FSHR: variants seen among roughly 807,000 people sequenced by gnomAD.
FSHR encodes follicle-stimulating hormone receptor.
Under a neutral mutation model 52.1 loss-of-function variants are expected in FSHR, and 46 were observed. The observed-to-expected ratio is 0.88, with a 90% CI of 0.70 to 1.13. FSHR has a LOEUF of 1.13. Ranked by LOEUF, FSHR falls within the 50% of genes most tolerant of loss-of-function variation. The probability of loss-of-function intolerance (pLI) is 0.00; values close to 1 mark genes in which losing one functional copy is unlikely to be tolerated. For synonymous variants in FSHR, 399 were observed against 309.6 expected, an observed-to-expected ratio of 1.29 and a Z score of -3.03; for missense variants, 964 against 834.6, an observed-to-expected ratio of 1.16 and a Z score of -1.91.
At chr2:49,081,069 T>C (rs1259097294) in intron 1 of FSHR, among the ~76,000 whole-genome samples, 1 of 152,168 alleles carries the variant, frequency 6.6e-6, no homozygotes, top group East Asian at 1.9e-4. Context: ...CTCTGCCTTC[T>C]GATTGACCCT....
intron 2 of FSHR, among the ~76,000 whole-genome samples, chr2:49,044,328 T>C (rs542811669): frequency 2.0e-5 from 3 of 152,318 alleles, no homozygotes; most frequent in African/African-American, 7.2e-5. Context: ...CCAGGAACCC[T>C]CTCGCCTTCC....
At chr2:49,142,885 A>G (rs1025865587) in intron 1 of FSHR, among the ~76,000 whole-genome samples, 1 of 152,148 alleles carries the variant, frequency 6.6e-6, no homozygotes, top group African/African-American at 2.4e-5. Flanking sequence ...GTGCGTTTAT[A>G]CAGATGATGA....
At chr2:48,968,968 A>G in intron 8 of FSHR, 85 bp from the exon 9 acceptor site, 2 of 1,183,836 alleles carry the variant, frequency 1.7e-6, no homozygotes, top group South Asian at 1.3e-5. Context: ...TAGCAGACAC[A>G]CTAGTGATAT....
At position 48,963,257 on chromosome 2, in the gene FSHR, T is replaced by C. The variant is rs1387910643; in HGVS notation, c.1564A>G (p.Ile522Val). Residue 522 changes from isoleucine to valine, a missense_variant, in exon 10 of 10, where the codon ATT becomes GTT. By Grantham distance (29) the Ile-to-Val change is conservative. Transcript: ENST00000406846. ...MKVSICLPMD[I>V]DSPLSQLYVM... ...TACAGCTGTGACAAAGGGCTGTCAATATCCATGGGCAGGCAGATGCTCACC... is the reference window on the plus strand; with the variant it reads ...TACAGCTGTGACAAAGGGCTGTCAACATCCATGGGCAGGCAGATGCTCACC... 1.9e-6 allele frequency: 3 copies of C among 1,614,016 alleles called. No homozygotes were observed. Among genetic ancestry groups the C allele is most frequent in the Admixed American group, 3.3e-5 (2 of 59,992 alleles).
chr2:48,991,657 G>C (rs1675785857), intron 4 of FSHR, among the ~76,000 whole-genome samples: 1 of 152,238 alleles, frequency 6.6e-6, no homozygotes, highest in Non-Finnish European at 1.5e-5. Context: ...TTGCACTTGA[G>C]TGAAGCTGGA....
chr2:49,089,563 C>G (rs1670524367), intron 1 of FSHR, among the ~76,000 whole-genome samples: 2 of 152,130 alleles, frequency 1.3e-5, no homozygotes, highest in Admixed American at 6.5e-5. Flanking sequence ...ATGCTCATCT[C>G]CAGAGTAACC....
chr2:49,117,998 C>G (rs560990183), intron 1 of FSHR, among the ~76,000 whole-genome samples: 2 of 152,320 alleles, frequency 1.3e-5, no homozygotes, highest in South Asian at 4.1e-4. Context: ...GAGCCCTGAA[C>G]TACAAACTGG....
intron 4 of FSHR, among the ~76,000 whole-genome samples, chr2:48,996,121 G>C (rs1397826876): frequency 6.6e-6 from 1 of 152,050 alleles, no homozygotes; most frequent in Non-Finnish European, 1.5e-5. Context: ...CCTACTAATT[G>C]GTTTCCTATG....
At chr2:49,114,434 C>T (rs2103761860) in intron 1 of FSHR, among the ~76,000 whole-genome samples, 1 of 152,188 alleles carries the variant, frequency 6.6e-6, no homozygotes, top group African/African-American at 2.4e-5. Context: ...ACAGTCTTGG[C>T]CATTGTGGAA....
At chr2:49,081,086 T>C (rs1670151814) in intron 1 of FSHR, among the ~76,000 whole-genome samples, 1 of 152,144 alleles carries the variant, frequency 6.6e-6, no homozygotes, top group Admixed American at 6.5e-5. Flanking sequence ...CCCTACTGTT[T>C]CTTTGTGTTC....
At position 49,088,586 on chromosome 2, in the gene FSHR, A is replaced by T. The variant is rs549604738; in HGVS notation, c.153-20296T>A. 4.6e-4 allele frequency among the ~76,000 whole-genome samples: 70 copies of T among 152,338 alleles called. No individual in the cohort carries two copies. The South Asian group carries it at 0.013, about 28-fold the overall frequency. On this transcript the variant is annotated intron_variant, in intron 1 of 9. Coordinates refer to ENST00000406846, the MANE Select transcript of FSHR (RefSeq NM_000145.4). The stretch of plus-strand genomic sequence containing the variant: ...TAGTTTCAGGCAGAATGACAAACGC[A>T]TTGTGCCTCTAAAGCAGTTCTTTAG...
intron 2 of FSHR, among the ~76,000 whole-genome samples, chr2:49,064,738 G>C (rs1197785892): frequency 6.6e-6 from 1 of 152,124 alleles, no homozygotes; most frequent in East Asian, 1.9e-4. Context: ...TTTCTACATT[G>C]TGATCTTGGC....
At chr2:49,091,453 G>C (rs189100964) in intron 1 of FSHR, among the ~76,000 whole-genome samples, 13 of 152,130 alleles carry the variant, frequency 8.5e-5, no homozygotes, top group Admixed American at 6.5e-4. Context: ...ACAGGTGTGT[G>C]TCACCATGCC....
rs1674336109 is a variant in FSHR, at chr2:48,963,647, A to G, written c.1174T>C (p.Tyr392His). ...IVLVILTTSQYKLTVPRFLMC... is the reference protein window; with the variant it reads ...IVLVILTTSQHKLTVPRFLMC... ...AGGAACCTGGGGACTGTGAGTTTAT[A>G]TTGGCTGGTAGTTAGGATCACTAGC... Residue 392 changes from tyrosine (Y) to histidine (H), a missense_variant, in exon 10 of 10, where the codon TAT (tyrosine) becomes CAT (histidine). Transcript: ENST00000406846. The G allele has an allele frequency of 6.2e-7, 1 of 1,614,110 alleles. No individual in the cohort carries two copies.
chr2:48,983,982 C>G (rs1276400971), intron 6 of FSHR, among the ~76,000 whole-genome samples: 1 of 152,104 alleles, frequency 6.6e-6, no homozygotes, highest in African/African-American at 2.4e-5. Context: ...AAAACAGATA[C>G]CAAGGTCAGG....
At chr2:49,131,844 A>G (rs190695725) in intron 1 of FSHR, among the ~76,000 whole-genome samples, 83 of 152,246 alleles carry the variant, frequency 5.5e-4, no homozygotes, top group African/African-American at 1.9e-3. Flanking sequence ...ACTACCATAT[A>G]TTTAAATCCT....
At chr2:49,062,992 T>C (rs1669369209) in intron 2 of FSHR, among the ~76,000 whole-genome samples, 1 of 152,128 alleles carries the variant, frequency 6.6e-6, no homozygotes, top group African/African-American at 2.4e-5. Context: ...GAATAGAAGT[T>C]AGTACAGCCA....
intron 2 of FSHR, among the ~76,000 whole-genome samples, chr2:49,036,819 A>G (rs1668288220): frequency 6.6e-6 from 1 of 152,228 alleles, no homozygotes. Context: ...GCTGACATGG[A>G]AGTCTGAGAC....
chr2:49,088,836 C>T (rs1670494430), intron 1 of FSHR, among the ~76,000 whole-genome samples: 1 of 138,728 alleles, frequency 7.2e-6, no homozygotes, highest in Non-Finnish European at 1.6e-5. Flanking sequence ...ATCACTACTC[C>T]ATGAACCAAA....
Sources: gnomAD v4.1 joint callset for allele counts (sites outside exome capture counted in the v4.1 genomes callset) on GRCh38, gnomAD v4.1.1 for gene constraint, MANE v1.5 for transcripts, NCBI Gene and HGNC (gene_info 2026-07-23, HGNC 2026-07-21) for gene names.